Variants in SLC7A1 observed in about 807,000 individuals in gnomAD.
SLC7A1 encodes high affinity cationic amino acid transporter 1.
In SLC7A1, 10 loss-of-function variants were observed where a neutral mutation model predicts 53.9. The observed-to-expected ratio is 0.19, with a 90% confidence interval of 0.11 to 0.31. The LOEUF (loss-of-function observed/expected upper bound fraction) is 0.31. SLC7A1 is among the 10% of genes least tolerant of loss of function. The probability of loss-of-function intolerance (pLI) is 1.00; values close to 1 mark genes in which losing one functional copy is unlikely to be tolerated. For missense variants in SLC7A1, 525 were observed against 827.2 expected (o/e 0.63, Z 4.48); for synonymous variants, 342 against 338.7 (o/e 1.01, Z -0.11).
chr13:29,591,197 T>G (rs1481860876), intron 1 of SLC7A1, among the ~76,000 whole-genome samples: 2 of 152,206 alleles, frequency 1.3e-5, no homozygotes, highest in Non-Finnish European at 2.9e-5. Flanking sequence ...ATGCAACATT[T>G]AGACTTGTGC....
At chr13:29,527,979 G>A (rs1031001247) in intron 5 of SLC7A1, among the ~76,000 whole-genome samples, 3 of 152,272 alleles carry the variant, frequency 2.0e-5, no homozygotes, top group Admixed American at 2.0e-4. Context: ...TTCTGATGGA[G>A]GATGTTTGAG....
intron 1 of SLC7A1, chr13:29,586,741 A>G (rs190827689): frequency 6.6e-6 from 1 of 152,316 alleles, no homozygotes; most frequent in Admixed American, 6.5e-5. Context: ...CAGAGACCCC[A>G]CTATTTTCCT....
At chr13:29,565,018 A>G (rs1202670779) in intron 1 of SLC7A1, among the ~76,000 whole-genome samples, 2 of 152,226 alleles carry the variant, frequency 1.3e-5, no homozygotes. Flanking sequence ...AGCCAGGGGG[A>G]GCTGCTATTT....
Position 29,517,706 on chromosome 13 carries a change from T to G in SLC7A1, c.1377A>C (p.Ala459=). ...AGCCCAGCTGGGAATCATTGGTGCTTGCCAATTCATTTTGGTCTGCTGGAT... is the reference window on the plus strand; with the variant it reads ...AGCCCAGCTGGGAATCATTGGTGCTGGCCAATTCATTTTGGTCTGCTGGAT... The part of the protein sequence containing the change: ...ELDPADQNEL[A]STNDSQLGFL... The change falls in exon 10 of 13, where the codon GCA becomes GCC. Residue 459 remains alanine, a synonymous_variant. Coordinates refer to ENST00000380752, the MANE Select transcript of SLC7A1 (RefSeq NM_003045.5). 1 of 1,614,184 alleles carries G rather than the reference T, an allele frequency of 6.2e-7. No individual in the cohort carries two copies. The highest frequency in any genetic ancestry group is 8.5e-7 in the Non-Finnish European group (1 of 1,180,026).
In SLC7A1 at chr13:29,510,585, T is replaced by A. The variant is rs576824315; in HGVS notation, c.*3895A>T. On this transcript the variant is annotated 3_prime_UTR_variant, in exon 13 of 13. Transcript: ENST00000380752. ...AGGCGAACTCTGCATCAGTTCCACA[T>A]ATAAGCCTCACGCCCCCACCACCCT... 1.3e-5 allele frequency: 2 copies of A among 152,374 alleles called. No homozygotes were observed. Among genetic ancestry groups the A allele is most frequent in the South Asian group, 4.1e-4 (2 of 4,824 alleles). 9.4% of individuals were successfully genotyped at this position (152,374 alleles called of 1,614,324 possible). A position where few individuals can be genotyped will look rare whatever the true frequency, so the allele number is the denominator to read the frequency against.
chr13:29,514,343 G>A lies in SLC7A1; in HGVS notation c.*137C>T. ...AGGGTGGGCTGGGGCTGCAGGTCAA[G>A]TAATTGCACCTTTGGCTGCAGTGAG... On this transcript the variant is annotated 3_prime_UTR_variant, in exon 13 of 13. Coordinates refer to ENST00000380752, the MANE Select transcript of SLC7A1 (RefSeq NM_003045.5). 1 of 641,286 alleles carries A rather than the reference G, an allele frequency of 1.6e-6. No homozygotes were observed. Among genetic ancestry groups the A allele is most frequent in the South Asian group, 1.8e-5 (1 of 54,456 alleles). The allele number at this position is 641,286 out of a possible 1,614,324, so 39.7% of individuals were successfully genotyped here.
intron 1 of SLC7A1, among the ~76,000 whole-genome samples, chr13:29,557,521 A>G (rs1870489714): frequency 6.6e-6 from 1 of 152,086 alleles, no homozygotes; most frequent in Admixed American, 6.5e-5. Context: ...CAGTCACACA[A>G]TGGTAAGTAT....
At chr13:29,562,052 A>T (rs1047997783) in intron 1 of SLC7A1, among the ~76,000 whole-genome samples, 1 of 152,258 alleles carries the variant, frequency 6.6e-6, no homozygotes, top group Non-Finnish European at 1.5e-5. Flanking sequence ...ACTGTCAAGT[A>T]TCACGTTCCC....
At chr13:29,594,188 T>C (rs548809312) in intron 1 of SLC7A1, among the ~76,000 whole-genome samples, 1 of 152,360 alleles carries the variant, frequency 6.6e-6, no homozygotes, top group African/African-American at 2.4e-5. Context: ...TAAATTATAA[T>C]TCGAATTAAA....
At chr13:29,578,983 GA>G (rs1481261666) in intron 1 of SLC7A1, among the ~76,000 whole-genome samples, 5 of 152,204 alleles carry the variant, frequency 3.3e-5, no homozygotes, top group African/African-American at 1.2e-4. Flanking sequence ...GGGCAGAAGA[GA>G]AACAGATACA....
At chr13:29,536,883 T>C (rs1296794417) in intron 2 of SLC7A1, among the ~76,000 whole-genome samples, 6 of 152,184 alleles carry the variant, frequency 3.9e-5, no homozygotes, top group South Asian at 4.1e-4. Context: ...CTGTGGTATA[T>C]GATATATATG....
intron 2 of SLC7A1, among the ~76,000 whole-genome samples, chr13:29,537,143 C>T (rs1245669823): frequency 6.6e-6 from 1 of 152,218 alleles, no homozygotes; most frequent in African/African-American, 2.4e-5. Flanking sequence ...AGGGAAGAGA[C>T]TTCCTTCCAT....
intron 2 of SLC7A1, among the ~76,000 whole-genome samples, chr13:29,539,103 G>A (rs1019091048): frequency 1.3e-5 from 2 of 152,142 alleles, no homozygotes; most frequent in African/African-American, 2.4e-5. Flanking sequence ...ACCTAAGCGC[G>A]CCCAGAAGGT....
At chr13:29,514,618 C>CCG in intron 12 of SLC7A1, 35 bp from the exon 13 acceptor site, 1 of 1,508,838 alleles carries the variant, frequency 6.6e-7, no homozygotes, top group Non-Finnish European at 9.0e-7. Flanking sequence ...CGTGAACAGA[C>CCG]CGCCGGTTGC....
chr13:29,516,022 A>G, intron 12 of SLC7A1, 116 bp downstream of exon 12: 1 of 628,070 alleles, frequency 1.6e-6, no homozygotes, highest in Admixed American at 2.7e-5. Flanking sequence ...GGGATTCAGC[A>G]TTATCTTCGA....
At chr13:29,574,291 G>C (rs1165790900) in intron 1 of SLC7A1, among the ~76,000 whole-genome samples, 1 of 152,218 alleles carries the variant, frequency 6.6e-6, no homozygotes, top group East Asian at 1.9e-4. Context: ...TCTAGCTGTG[G>C]GAGATGCCTT....
intron 8 of SLC7A1, 45 bp from the exon 9 acceptor site, chr13:29,519,594 G>A (rs750756803): frequency 2.3e-5 from 29 of 1,252,526 alleles, no homozygotes; most frequent in Non-Finnish European, 3.3e-5. Flanking sequence ...CCATCTGCAT[G>A]CAATGACAAC....
intron 2 of SLC7A1, among the ~76,000 whole-genome samples, chr13:29,549,956 C>A (rs1275906195): frequency 1.3e-5 from 2 of 152,182 alleles, no homozygotes; most frequent in Non-Finnish European, 2.9e-5. Context: ...AGCAACCATG[C>A]CCAGCCACTT....
At chr13:29,538,092 C>CT (rs1462376647) in intron 2 of SLC7A1, among the ~76,000 whole-genome samples, 2 of 152,136 alleles carry the variant, frequency 1.3e-5, no homozygotes, top group Non-Finnish European at 2.9e-5. Context: ...AATCTCAAGA[C>CT]TCATAAAATT....
Sources: gnomAD v4.1 joint callset for allele counts (sites outside exome capture counted in the v4.1 genomes callset) on GRCh38, gnomAD v4.1.1 for gene constraint, MANE v1.5 for transcripts, NCBI Gene and HGNC (gene_info 2026-07-23, HGNC 2026-07-21) for gene names.